The following DPP6 variants were observed in gnomAD, a reference collection of about 807,000 sequenced individuals.
DPP6 encodes the protein A-type potassium channel modulatory protein DPP6.
Under a neutral mutation model 122.6 loss-of-function variants are expected in DPP6, and 69 were observed. That is an observed-to-expected ratio of 0.56 (90% CI 0.46 to 0.69). The LOEUF (loss-of-function observed/expected upper bound fraction) is 0.69, where lower values mean the gene tolerates loss of function less well. Among genes scored for constraint, DPP6 ranks in the 30% least tolerant of loss-of-function variants. The pLI is 0.00. For synonymous variants in DPP6, 418 were observed against 433.1 expected, an observed-to-expected ratio of 0.97 and a Z score of 0.43; for missense variants, 928 against 1,116.9, an observed-to-expected ratio of 0.83 and a Z score of 2.41.
Position 154,184,497 on chromosome 7 carries a change from C to T in DPP6, c.243+131434C>T, listed in dbSNP as rs183741921. ...GAATCCCTGGGCATCACGTTGCTTC[C>T]GACACTGGTCTGTGTGAGTCCCACA... On this transcript the variant is annotated intron_variant, in intron 1 of 25. Transcript: ENST00000377770. Among the ~76,000 whole-genome samples, 14 of 151,896 alleles carry T rather than the reference C, an allele frequency of 9.2e-5. No homozygotes were observed. In the East Asian group the frequency reaches 1.7e-3, roughly 19 times the overall value.
intron 8 of DPP6, among the ~76,000 whole-genome samples, chr7:154,748,634 T>C (rs559051493): frequency 4.3e-4 from 66 of 152,358 alleles, no homozygotes; most frequent in African/African-American, 1.6e-3. Flanking sequence ...AGCACCTCCC[T>C]GCACAGCCTG....
At chr7:154,597,417 C>T (rs769979563) in intron 5 of DPP6, among the ~76,000 whole-genome samples, 1 of 151,962 alleles carries the variant, frequency 6.6e-6, no homozygotes, top group African/African-American at 2.4e-5. Context: ...TCCTGGCTAA[C>T]ACAGTGAAAC....
intron 7 of DPP6, among the ~76,000 whole-genome samples, chr7:154,695,097 G>T (rs1442552492): frequency 6.6e-6 from 1 of 152,206 alleles, no homozygotes; most frequent in Non-Finnish European, 1.5e-5. Flanking sequence ...AGGAAGACGG[G>T]GGTGAGATGG....
At chr7:154,739,501 A>G (rs1359880952) in intron 8 of DPP6, among the ~76,000 whole-genome samples, 1 of 152,114 alleles carries the variant, frequency 6.6e-6, no homozygotes, top group Non-Finnish European at 1.5e-5. Flanking sequence ...ATCACAAATG[A>G]CGTTCTTGAA....
chr7:153,784,093 T>C, the DPP6 span, among the ~76,000 whole-genome samples: 1 of 152,204 alleles, frequency 6.6e-6, no homozygotes, highest in African/African-American at 2.4e-5. Context: ...TATAAGATAA[T>C]ACAATTAGTG....
intron 2 of DPP6, among the ~76,000 whole-genome samples, chr7:154,472,330 C>T (rs1207195466): frequency 1.3e-5 from 2 of 152,228 alleles, no homozygotes; most frequent in African/African-American, 2.4e-5. Flanking sequence ...AATGCCAACA[C>T]ACACAATCTC....
At chr7:154,574,680 TG>T in intron 5 of DPP6, among the ~76,000 whole-genome samples, 1 of 126,620 alleles carries the variant, frequency 7.9e-6, no homozygotes, top group African/African-American at 3.0e-5. Context: ...GTGGTGTGTG[TG>T]GTATATGTAT....
chr7:154,293,316 G>C (rs1040723490), intron 1 of DPP6, among the ~76,000 whole-genome samples: 1 of 152,072 alleles, frequency 6.6e-6, no homozygotes, highest in South Asian at 2.1e-4. Flanking sequence ...CTCCTTTTTC[G>C]TCCTTGCTCC....
At chr7:154,166,241 A>G (rs1797239980) in intron 1 of DPP6, among the ~76,000 whole-genome samples, 1 of 152,116 alleles carries the variant, frequency 6.6e-6, no homozygotes, top group African/African-American at 2.4e-5. Flanking sequence ...GGGAAATGCA[A>G]AGCCATGGCG....
intron 1 of DPP6, among the ~76,000 whole-genome samples, chr7:154,070,993 T>G (rs1803079765): frequency 6.6e-6 from 1 of 152,170 alleles, no homozygotes; most frequent in African/African-American, 2.4e-5. Flanking sequence ...AGACAACATA[T>G]AGTATGAAAT....
the DPP6 span, among the ~76,000 whole-genome samples, chr7:153,840,294 G>A: frequency 2.6e-5 from 4 of 152,206 alleles, no homozygotes; most frequent in East Asian, 7.7e-4. Context: ...GGAAAGAATG[G>A]ATATGTAGAA....
chr7:154,497,575 C>T (rs1450836614), intron 3 of DPP6, among the ~76,000 whole-genome samples: 1 of 150,726 alleles, frequency 6.6e-6, no homozygotes, highest in African/African-American at 2.4e-5. Context: ...AACCACTGCA[C>T]TCCAGCCTGG....
chr7:153,883,934 G>A (rs1440023189), upstream of DPP6, among the ~76,000 whole-genome samples: 2 of 152,320 alleles, frequency 1.3e-5, no homozygotes, highest in Non-Finnish European at 2.9e-5. Flanking sequence ...AGGACTGGAC[G>A]CTGTTGGTTA....
chr7:153,858,291 A>G, the DPP6 span, among the ~76,000 whole-genome samples: 1 of 152,164 alleles, frequency 6.6e-6, no homozygotes, highest in Non-Finnish European at 1.5e-5. Context: ...TCCACCAGAA[A>G]CAAGTTTCTT....
chr7:154,864,240 T>C (rs1052515869), intron 17 of DPP6, among the ~76,000 whole-genome samples: 7 of 152,354 alleles, frequency 4.6e-5, no homozygotes, highest in African/African-American at 1.7e-4. Context: ...TTGGTGTTCA[T>C]TGGATCTGGT....
chr7:154,125,175 A>C (rs751175326), intron 1 of DPP6, among the ~76,000 whole-genome samples: 1 of 152,216 alleles, frequency 6.6e-6, no homozygotes, highest in Non-Finnish European at 1.5e-5. Flanking sequence ...GGCACACGAA[A>C]GGGTAAATGG....
intron 7 of DPP6, among the ~76,000 whole-genome samples, chr7:154,703,891 C>G (rs867386344): frequency 6.6e-6 from 1 of 151,544 alleles, no homozygotes; most frequent in Non-Finnish European, 1.5e-5. Context: ...GAGCCAAGAT[C>G]GCGCCACTGC....
chr7:154,295,937 G>T (rs1386607661), intron 1 of DPP6, among the ~76,000 whole-genome samples: 1 of 135,236 alleles, frequency 7.4e-6, no homozygotes, highest in Non-Finnish European at 1.5e-5. Flanking sequence ...TGCATAAACA[G>T]TTGCTTCTTT....
intron 7 of DPP6, among the ~76,000 whole-genome samples, chr7:154,720,599 G>A (rs1054332634): frequency 2.6e-5 from 4 of 152,148 alleles, no homozygotes; most frequent in African/African-American, 4.8e-5. Context: ...AGGGCCCCCC[G>A]GCTGCAGCAT....
Sources: gnomAD v4.1 joint callset for allele counts (sites outside exome capture counted in the v4.1 genomes callset) on GRCh38, gnomAD v4.1.1 for gene constraint, MANE v1.5 for transcripts, NCBI Gene and HGNC (gene_info 2026-07-23, HGNC 2026-07-21) for gene names.